The following WDR72 variants were observed in gnomAD, a reference collection of about 807,000 sequenced individuals.
WDR72 encodes the protein WD repeat-containing protein 72.
Under a neutral mutation model 124.2 loss-of-function variants are expected in WDR72, and 120 were observed. The ratio of observed to expected loss-of-function variants is 0.97; its 90% CI spans 0.83 to 1.12. The LOEUF is 1.12. Among genes scored for constraint, WDR72 ranks in the 50% most tolerant of loss-of-function variants. The probability of loss-of-function intolerance (pLI) is 0.00; values close to 1 mark genes in which losing one functional copy is unlikely to be tolerated. For missense variants in WDR72, 1,387 were observed against 1,278.8 expected, an observed-to-expected ratio of 1.08 and a Z score of -1.29; for synonymous variants, 452 against 441.7, an observed-to-expected ratio of 1.02 and a Z score of -0.29.
rs1754851826 is a variant in WDR72 at position 53,615,988 on chromosome 15, C to T, written c.2218G>A (p.Glu740Lys). The T allele has an allele frequency of 6.2e-7, 1 of 1,613,296 alleles. No individual in the cohort carries two copies. Residue 740 changes from glutamate to lysine, a missense_variant, in exon 15 of 20, where the codon GAG (glutamate) becomes AAG (lysine). Transcript: ENST00000360509. ...SKTACGPLSA[E>K]ALAKPITESL... is the part of the protein sequence containing the mutation. Reference sequence around the variant, plus strand: ...TCAGTAATAGGCTTGGCTAGTGCCTCTGCTGAAAGAGGACCACAGGCAGTT... The same window carrying T: ...TCAGTAATAGGCTTGGCTAGTGCCTTTGCTGAAAGAGGACCACAGGCAGTT...
chr15:53,624,458 C>T (rs1209245362), intron 14 of WDR72, among the ~76,000 whole-genome samples: 1 of 152,176 alleles, frequency 6.6e-6, no homozygotes, highest in African/African-American at 2.4e-5. Flanking sequence ...GCACCTAGAT[C>T]TCCTCAACTT....
chr15:53,545,204 CG>C (rs965702192), intron 18 of WDR72, among the ~76,000 whole-genome samples: 131 of 151,178 alleles, frequency 8.7e-4, no homozygotes, highest in Non-Finnish European at 1.3e-3. Flanking sequence ...CGCATCGCCA[CG>C]GGAATCCTAA....
intron 18 of WDR72, among the ~76,000 whole-genome samples, chr15:53,529,712 A>C (rs1892344185): frequency 6.6e-6 from 1 of 151,944 alleles, no homozygotes; most frequent in South Asian, 2.1e-4. Flanking sequence ...CCAAAGGGAG[A>C]ATCAGTATAC....
intron 19 of WDR72, among the ~76,000 whole-genome samples, chr15:53,517,969 A>C (rs1440106381): frequency 6.6e-6 from 1 of 152,084 alleles, no homozygotes; most frequent in East Asian, 1.9e-4. Context: ...TAATATAATA[A>C]AAATATACTT....
In WDR72 at chr15:53,722,881, G is replaced by T. The variant is rs1411862479; in HGVS notation, c.181C>A (p.His61Asn). The T allele has an allele frequency of 3.7e-6, 6 of 1,614,082 alleles. No homozygotes were observed. Among genetic ancestry groups the T allele is most frequent in the Non-Finnish European group, 4.2e-6 (5 of 1,179,980 alleles). Reference sequence around the variant, plus strand: ...GCCAAACATGTTACCGAAGCTGAATGACCAAATAGGAGTTCTTTCGCTGAA... The same window carrying T: ...GCCAAACATGTTACCGAAGCTGAATTACCAAATAGGAGTTCTTTCGCTGAA... ...KISAKELLFG[H>N]SASVTCLARA... Residue 61 changes from histidine to asparagine, a missense_variant, in exon 3 of 20, where the codon CAT (histidine) becomes AAT (asparagine). Transcript: ENST00000360509.
chr15:53,655,109 T>C (rs2015370823), intron 14 of WDR72, among the ~76,000 whole-genome samples: 1 of 151,560 alleles, frequency 6.6e-6, no homozygotes, highest in Non-Finnish European at 1.5e-5. Flanking sequence ...TGCACACCTG[T>C]AATCCCAACT....
intron 1 of WDR72, among the ~76,000 whole-genome samples, chr15:53,758,773 G>T (rs1041701523): frequency 2.4e-5 from 3 of 127,064 alleles, no homozygotes; most frequent in African/African-American, 5.5e-5. Flanking sequence ...AACTGCGGGG[G>T]GGGGGGGGGC....
At chr15:53,745,209 G>A (rs1223794051) in intron 1 of WDR72, among the ~76,000 whole-genome samples, 1 of 152,052 alleles carries the variant, frequency 6.6e-6, no homozygotes, top group East Asian at 1.9e-4. Context: ...ATTCTGCATA[G>A]ATAACTTTTA....
chr15:53,608,734 T>C (rs59125438), intron 17 of WDR72, among the ~76,000 whole-genome samples: 20,941 of 151,338 alleles, frequency 0.14, 2,267 homozygotes, highest in African/African-American at 0.3. Flanking sequence ...CCAGACTGGG[T>C]GACAGAGCGA....
chr15:53,709,489 T>C (rs916298784), intron 9 of WDR72, among the ~76,000 whole-genome samples: 4 of 152,196 alleles, frequency 2.6e-5, no homozygotes, highest in Non-Finnish European at 5.9e-5. Context: ...ATACATAACA[T>C]TGAAATTTTC....
intron 17 of WDR72, among the ~76,000 whole-genome samples, chr15:53,608,025 G>A (rs2140355993): frequency 6.6e-6 from 1 of 152,288 alleles, no homozygotes; most frequent in Middle Eastern, 3.4e-3. Context: ...TGGTGAGGAT[G>A]TGGAGAAAAG....
In WDR72 at chr15:53,711,369, T is replaced by A; in HGVS notation, c.824A>T (p.Asp275Val). Residue 275 changes from aspartate to valine, a missense_variant, in exon 8 of 20, where the codon GAT becomes GTT. By Grantham distance (152) the Asp-to-Val change is radical. Coordinates refer to ENST00000360509, the MANE Select transcript of WDR72 (RefSeq NM_182758.4). Reference protein sequence around the residue: ...AAHRILIWTEDGHSYIYQLLN... With the variant: ...AAHRILIWTEVGHSYIYQLLN... ...CAGCTGATAGATGTAACTGTGACCA[T>A]CTTCTGTCCAGATGAGGATTCTGTG... 1.2e-6 allele frequency: 2 copies of A among 1,614,186 alleles called. No individual in the cohort carries two copies. The highest frequency in any genetic ancestry group is 1.7e-6 in the Non-Finnish European group (2 of 1,180,030).
At chr15:53,716,582 C>G in intron 4 of WDR72, 25 bp downstream of exon 4, 1 of 1,482,472 alleles carries the variant, frequency 6.7e-7, no homozygotes, top group Non-Finnish European at 9.4e-7. Context: ...TCTAGAAATG[C>G]CCTGAAGGAA....
chr15:53,643,674 C>T (rs932485866), intron 14 of WDR72, among the ~76,000 whole-genome samples: 1 of 152,000 alleles, frequency 6.6e-6, no homozygotes, highest in Admixed American at 6.6e-5. Flanking sequence ...TAGGGCTAGT[C>T]TCAGAATAAT....
intron 14 of WDR72, among the ~76,000 whole-genome samples, chr15:53,616,535 C>A (rs1017763110): frequency 6.6e-6 from 1 of 151,724 alleles, no homozygotes; most frequent in African/African-American, 2.4e-5. Context: ...TTAATATAGA[C>A]TCTCATATCT....
At chr15:53,736,998 AACACACACACACAC>A (rs67659814) in intron 1 of WDR72, among the ~76,000 whole-genome samples, 6,381 of 141,218 alleles carry the variant, frequency 0.045, 196 homozygotes, top group Non-Finnish European at 0.072. Flanking sequence ...GTAGATGTAA[AACACACACACACAC>A]ACACACACAC....
intron 13 of WDR72, among the ~76,000 whole-genome samples, chr15:53,673,882 T>A (rs1354339596): frequency 1.3e-5 from 2 of 151,902 alleles, no homozygotes; most frequent in Admixed American, 6.6e-5. Context: ...TCCCAGCTAG[T>A]CAGGAGGCTG....
At chr15:53,588,973 A>G (rs2012358104) in intron 18 of WDR72, among the ~76,000 whole-genome samples, 1 of 151,862 alleles carries the variant, frequency 6.6e-6, no homozygotes, top group Non-Finnish European at 1.5e-5. Context: ...GATGAGTCAG[A>G]ACACAATATG....
At chr15:53,568,951 T>A (rs1418366982) in intron 18 of WDR72, among the ~76,000 whole-genome samples, 4 of 152,102 alleles carry the variant, frequency 2.6e-5, no homozygotes, top group African/African-American at 9.7e-5. Flanking sequence ...AAATTTTAAT[T>A]ATGATATATT....
Sources: gnomAD v4.1 joint callset for allele counts (sites outside exome capture counted in the v4.1 genomes callset) on GRCh38, gnomAD v4.1.1 for gene constraint, MANE v1.5 for transcripts, NCBI Gene and HGNC (gene_info 2026-07-23, HGNC 2026-07-21) for gene names.